Variants in PLCB1 observed in about 807,000 individuals in gnomAD.
PLCB1 encodes phospholipase C beta 1.
Under a neutral mutation model 161.8 loss-of-function variants are expected in PLCB1, and 46 were observed. The ratio of observed to expected loss-of-function variants is 0.28; its 90% CI spans 0.22 to 0.36. PLCB1 has a LOEUF of 0.36. Ranked by LOEUF, PLCB1 falls within the 10% of genes least tolerant of loss-of-function variation. The pLI is 1.00. For synonymous variants in PLCB1, 517 were observed against 503.7 expected (o/e 1.03, Z -0.35); for missense variants, 1,016 against 1,472.5 (o/e 0.69, Z 5.07).
intron 3 of PLCB1, among the ~76,000 whole-genome samples, chr20:8,406,786 T>C (rs553236752): frequency 2.6e-5 from 4 of 152,312 alleles, no homozygotes; most frequent in Admixed American, 6.5e-5. Context: ...ACAAGAATTA[T>C]AGTGATTTTA....
Position 8,417,073 on chromosome 20 carries a change from ATTTT to A in PLCB1, c.246+45651_246+45654del, listed in dbSNP as rs3031852. Among the ~76,000 whole-genome samples, 122 of 39,720 alleles carry A rather than the reference ATTTT, an allele frequency of 3.1e-3. 1 individual carries two copies. The highest frequency in any genetic ancestry group is 9.4e-3 in the African/African-American group (93 of 9,898). 26.1% of individuals were successfully genotyped at this position (39,720 alleles called of 152,430 possible). ...CACACACATATATATATATATATAT[ATTTT>A]TTTTTTTTTTTTTTTTTTTTTTTTT... is the stretch of plus-strand genomic sequence containing the variant. On this transcript the variant is annotated intron_variant, in intron 3 of 31. Coordinates refer to ENST00000338037, the MANE Select transcript of PLCB1 (RefSeq NM_015192.4).
intron 9 of PLCB1, among the ~76,000 whole-genome samples, chr20:8,668,740 G>A (rs1989875155): frequency 6.6e-6 from 1 of 152,188 alleles, no homozygotes. Context: ...CATAAAGTCA[G>A]CCATCAGGCA....
chr20:8,273,631 T>A (rs950455917), intron 2 of PLCB1, among the ~76,000 whole-genome samples: 1 of 152,178 alleles, frequency 6.6e-6, no homozygotes, highest in South Asian at 2.1e-4. Flanking sequence ...CTGCCTCTTA[T>A]GTGTTCCCTT....
chr20:8,629,970 C>CTTTCTTTCT (rs1555778025), intron 4 of PLCB1, among the ~76,000 whole-genome samples: 1 of 21,318 alleles, frequency 4.7e-5, no homozygotes, highest in Non-Finnish European at 1.2e-4. Flanking sequence ...TTTCTTCTTT[C>CTTTCTTTCT]TTTCTTTCTT....
rs182675864 is a variant in PLCB1, at chr20:8,170,813, C to A, written c.177+20442C>A. ...TAGGCCAAAAATGGCCAAACACAGG[C>A]GGTTTCTCATAGGCCAACAATACAG... On this transcript the variant is annotated intron_variant, in intron 2 of 31. Coordinates refer to ENST00000338037, the MANE Select transcript of PLCB1 (RefSeq NM_015192.4). 4.4e-4 allele frequency among the ~76,000 whole-genome samples: 67 copies of A among 152,222 alleles called. No individual in the cohort carries two copies. In the East Asian group the frequency reaches 7.3e-3, roughly 17 times the overall value.
chr20:8,519,150 A>G (rs1284491662), intron 3 of PLCB1, among the ~76,000 whole-genome samples: 2 of 150,574 alleles, frequency 1.3e-5, no homozygotes, highest in Non-Finnish European at 2.9e-5. Context: ...GGACTCCTGT[A>G]CTACAGCATG....
chr20:8,258,293 G>T (rs1185970973), intron 2 of PLCB1, among the ~76,000 whole-genome samples: 2 of 152,110 alleles, frequency 1.3e-5, no homozygotes, highest in Non-Finnish European at 2.9e-5. Context: ...ACAAAGAAAA[G>T]AAAGTGATTA....
intron 2 of PLCB1, among the ~76,000 whole-genome samples, chr20:8,350,848 T>A (rs1316556153): frequency 6.6e-6 from 1 of 152,184 alleles, no homozygotes; most frequent in Non-Finnish European, 1.5e-5. Context: ...TAAAATAAGT[T>A]GAAGAAAGTC....
rs73593756 is a variant in PLCB1, at chr20:8,471,781, T to C, written c.246+100331T>C. On this transcript the variant is annotated intron_variant, in intron 3 of 31. Coordinates refer to ENST00000338037, the MANE Select transcript of PLCB1 (RefSeq NM_015192.4). ...GTTCAAGCTTTGAATCACCCTCCTT[T>C]TCCTGTGTTTTAGCTGGGTAAGTTT... is the stretch of plus-strand genomic sequence containing the variant. Among the ~76,000 whole-genome samples the C allele has an allele frequency of 9.8e-3, 1,489 of 152,254 alleles. 29 individuals carry two copies. The highest frequency in any genetic ancestry group is 0.034 in the African/African-American group (1,413 of 41,552).
intron 31 of PLCB1, among the ~76,000 whole-genome samples, chr20:8,815,240 A>G (rs1985032297): frequency 6.6e-6 from 1 of 152,320 alleles, no homozygotes; most frequent in African/African-American, 2.4e-5. Flanking sequence ...TTGATGACAT[A>G]ACCTTGAGGG....
chr20:8,750,088 A>G (rs1434465458), intron 23 of PLCB1, among the ~76,000 whole-genome samples: 2 of 152,158 alleles, frequency 1.3e-5, no homozygotes, highest in African/African-American at 4.8e-5. Flanking sequence ...AAATTTATAC[A>G]TCTATGTGTA....
At chr20:8,880,969 C>G (rs767220530) in intron 31 of PLCB1, 1 of 150,030 alleles carries the variant, frequency 6.7e-6, no homozygotes, top group East Asian at 2.1e-4. Context: ...TGGGTTCAAG[C>G]GATTCTCCTG....
At chr20:8,300,559 A>T (rs1054502429) in intron 2 of PLCB1, among the ~76,000 whole-genome samples, 2 of 151,854 alleles carry the variant, frequency 1.3e-5, no homozygotes, top group Non-Finnish European at 2.9e-5. Context: ...TTATTATTAT[A>T]CTTTAAGTTT....
At chr20:8,275,377 T>C (rs1257229732) in intron 2 of PLCB1, among the ~76,000 whole-genome samples, 1 of 152,046 alleles carries the variant, frequency 6.6e-6, no homozygotes, top group Non-Finnish European at 1.5e-5. Flanking sequence ...AATTATTGTT[T>C]CCTATTGTCC....
At chr20:8,346,071 T>G (rs1985991550) in intron 2 of PLCB1, among the ~76,000 whole-genome samples, 1 of 152,218 alleles carries the variant, frequency 6.6e-6, no homozygotes, top group Non-Finnish European at 1.5e-5. Context: ...AGTTTTATAG[T>G]GTACCAGATT....
intron 3 of PLCB1, among the ~76,000 whole-genome samples, chr20:8,449,418 G>A (rs758009077): frequency 1.1e-4 from 16 of 152,194 alleles, no homozygotes; most frequent in Non-Finnish European, 2.4e-4. Context: ...ATTGCCTATC[G>A]CTAGTGTCCC....
At chr20:8,231,290 G>A (rs1249035866) in intron 2 of PLCB1, among the ~76,000 whole-genome samples, 2 of 152,198 alleles carry the variant, frequency 1.3e-5, no homozygotes, top group Non-Finnish European at 1.5e-5. Context: ...TGGGAAAGTA[G>A]ACAGCTGTCT....
chr20:8,430,413 G>T (rs1027894066), intron 3 of PLCB1, among the ~76,000 whole-genome samples: 4 of 149,868 alleles, frequency 2.7e-5, no homozygotes, highest in African/African-American at 4.8e-5. Flanking sequence ...ACAAAGCATG[G>T]TTGGAAATAG....
chr20:8,215,411 A>G (rs1326607106), intron 2 of PLCB1, among the ~76,000 whole-genome samples: 1 of 151,980 alleles, frequency 6.6e-6, no homozygotes, highest in Admixed American at 6.6e-5. Context: ...GGGATTAGAG[A>G]CGGCAACATC....
Sources: gnomAD v4.1 joint callset for allele counts (sites outside exome capture counted in the v4.1 genomes callset) on GRCh38, gnomAD v4.1.1 for gene constraint, MANE v1.5 for transcripts, NCBI Gene and HGNC (gene_info 2026-07-23, HGNC 2026-07-21) for gene names.